Variants in FHIT observed in about 807,000 individuals in gnomAD.
The protein encoded by FHIT is fragile histidine triad diadenosine triphosphatase, also known as bis(5'-adenosyl)-triphosphatase.
A neutral mutation model predicts 17.9 loss-of-function variants in FHIT; 19 were observed. The observed-to-expected ratio is 1.06, with a 90% CI of 0.74 to 1.56. FHIT has a LOEUF of 1.56. Among genes scored for constraint, FHIT ranks in the 40% most tolerant of loss-of-function variants. The probability of loss-of-function intolerance (pLI) is 0.00; values close to 1 mark genes in which losing one functional copy is unlikely to be tolerated. For synonymous variants in FHIT, 81 were observed against 69.7 expected (o/e 1.16, Z -0.81); for missense variants, 248 against 189.2 (o/e 1.31, Z -1.82).
At chr3:60,705,470 G>A (rs1159801651) in intron 4 of FHIT, among the ~76,000 whole-genome samples, 1 of 152,074 alleles carries the variant, frequency 6.6e-6, no homozygotes, top group Non-Finnish European at 1.5e-5. Context: ...TAGAAATACA[G>A]GACACTAATT....
chr3:60,067,487 C>G (rs1246455063), intron 5 of FHIT, among the ~76,000 whole-genome samples: 1 of 152,166 alleles, frequency 6.6e-6, no homozygotes, highest in African/African-American at 2.4e-5. Flanking sequence ...AAAGAACCCT[C>G]TATTTCATCT....
At chr3:60,639,232 G>T (rs1298090635) in intron 4 of FHIT, among the ~76,000 whole-genome samples, 1 of 151,842 alleles carries the variant, frequency 6.6e-6, no homozygotes, top group East Asian at 1.9e-4. Context: ...GAGAAGTTTG[G>T]AAGTTAAGGG....
At chr3:60,219,860 A>G (rs77508179) in intron 5 of FHIT, among the ~76,000 whole-genome samples, 2,085 of 152,268 alleles carry the variant, frequency 0.014, 54 homozygotes, top group African/African-American at 0.047. Flanking sequence ...TAAAGAGGAT[A>G]AAAATTGCAT....
intron 5 of FHIT, among the ~76,000 whole-genome samples, chr3:60,135,243 C>G (rs958885595): frequency 3.9e-5 from 6 of 152,070 alleles, no homozygotes; most frequent in African/African-American, 1.4e-4. Context: ...ATTCGGCACC[C>G]AGGGCTGAGG....
chr3:60,348,915 T>C (rs1436771230), intron 5 of FHIT, among the ~76,000 whole-genome samples: 1 of 152,204 alleles, frequency 6.6e-6, no homozygotes. Flanking sequence ...ACAGCCTAGA[T>C]CATTGCCCAG....
At chr3:60,268,950 C>T (rs952924586) in intron 5 of FHIT, among the ~76,000 whole-genome samples, 1 of 152,030 alleles carries the variant, frequency 6.6e-6, no homozygotes, top group Non-Finnish European at 1.5e-5. Flanking sequence ...CCTGCCCTTT[C>T]TGGCTTTAAA....
At chr3:60,237,588 C>A (rs114535531) in intron 5 of FHIT, among the ~76,000 whole-genome samples, 346 of 152,196 alleles carry the variant, frequency 2.3e-3, no homozygotes, top group African/African-American at 7.7e-3. Flanking sequence ...TTATGTTTGA[C>A]CACAGTGAGG....
chr3:60,040,820 TTC>T (rs750616009), intron 5 of FHIT, among the ~76,000 whole-genome samples: 1 of 152,006 alleles, frequency 6.6e-6, no homozygotes, highest in Non-Finnish European at 1.5e-5. Flanking sequence ...ATGACATGAT[TTC>T]TGTTTCTTTG....
At chr3:60,560,702 A>G (rs2036905328) in intron 4 of FHIT, among the ~76,000 whole-genome samples, 2 of 151,970 alleles carry the variant, frequency 1.3e-5, no homozygotes, top group South Asian at 2.1e-4. Context: ...TACCACAGAA[A>G]GAGGACAGAA....
intron 3 of FHIT, among the ~76,000 whole-genome samples, chr3:60,899,556 G>A (rs1458948836): frequency 6.6e-6 from 1 of 152,140 alleles, no homozygotes; most frequent in East Asian, 1.9e-4. Context: ...AGGCTGCTCA[G>A]CAAATAAAGG....
chr3:60,921,014 C>T (rs1483554608), intron 3 of FHIT, among the ~76,000 whole-genome samples: 1 of 152,200 alleles, frequency 6.6e-6, no homozygotes, highest in Admixed American at 6.5e-5. Context: ...CATTTGGTAA[C>T]TCACTCATTC....
chr3:59,844,505 G>GCC (rs1423854706), intron 8 of FHIT, among the ~76,000 whole-genome samples: 2 of 150,308 alleles, frequency 1.3e-5, no homozygotes, highest in Non-Finnish European at 3.0e-5. Context: ...GTCTGTGTGT[G>GCC]TCTGTGTGTG....
chr3:60,189,651 G>C (rs546418783), intron 5 of FHIT, among the ~76,000 whole-genome samples: 1 of 152,268 alleles, frequency 6.6e-6, no homozygotes, highest in South Asian at 2.1e-4. Context: ...GATCATTACA[G>C]AATTCACTAG....
At chr3:60,938,040 A>G (rs1186107736) in intron 3 of FHIT, among the ~76,000 whole-genome samples, 1 of 152,194 alleles carries the variant, frequency 6.6e-6, no homozygotes. Flanking sequence ...CCTTTGCACC[A>G]TAAATCAATG....
At chr3:60,707,019 C>T (rs1386981984) in intron 4 of FHIT, among the ~76,000 whole-genome samples, 14 of 152,208 alleles carry the variant, frequency 9.2e-5, no homozygotes, top group African/African-American at 3.1e-4. Flanking sequence ...AACAACACTG[C>T]CTTCTGATTC....
chr3:61,105,164 A>AT (rs558098237), intron 2 of FHIT, among the ~76,000 whole-genome samples: 4 of 151,984 alleles, frequency 2.6e-5, no homozygotes, highest in Admixed American at 2.0e-4. Context: ...AGTTTTCAGG[A>AT]TTCTTGTGCT....
intron 5 of FHIT, among the ~76,000 whole-genome samples, chr3:60,522,325 G>T (rs1212328337): frequency 6.6e-6 from 1 of 152,104 alleles, no homozygotes; most frequent in Non-Finnish European, 1.5e-5. Context: ...TGGCCAGGCT[G>T]GTTTCGAACT....
At chr3:60,383,880 A>C (rs1047170894) in intron 5 of FHIT, among the ~76,000 whole-genome samples, 1 of 151,966 alleles carries the variant, frequency 6.6e-6, no homozygotes, top group Non-Finnish European at 1.5e-5. Context: ...CTCACTGTCA[A>C]AAAAGACATA....
intron 8 of FHIT, among the ~76,000 whole-genome samples, chr3:59,885,700 G>C (rs780276340): frequency 6.6e-6 from 1 of 152,154 alleles, no homozygotes; most frequent in Non-Finnish European, 1.5e-5. Context: ...GTCACCAACA[G>C]GTGGGTTTTT....
Sources: gnomAD v4.1 joint callset for allele counts (sites outside exome capture counted in the v4.1 genomes callset) on GRCh38, gnomAD v4.1.1 for gene constraint, MANE v1.5 for transcripts, NCBI Gene and HGNC (gene_info 2026-07-23, HGNC 2026-07-21) for gene names.